Variants in NXPH1 observed in about 807,000 individuals in gnomAD.
The protein encoded by NXPH1 is neurexophilin-1.
A neutral mutation model predicts 23.7 loss-of-function variants in NXPH1; 5 were observed. The ratio of observed to expected loss-of-function variants is 0.21; its 90% CI spans 0.11 to 0.44. NXPH1 has a LOEUF of 0.44. Ranked by LOEUF, NXPH1 falls within the 20% of genes least tolerant of loss-of-function variation. The probability of loss-of-function intolerance (pLI) is 0.99; values close to 1 mark genes in which losing one functional copy is unlikely to be tolerated. For missense variants in NXPH1, 324 were observed against 321.6 expected, an observed-to-expected ratio of 1.01 and a Z score of -0.06; for synonymous variants, 144 against 122.2, an observed-to-expected ratio of 1.18 and a Z score of -1.18.
chr7:8,553,672 T>G (rs2128619931), intron 2 of NXPH1, among the ~76,000 whole-genome samples: 2 of 151,700 alleles, frequency 1.3e-5, no homozygotes, highest in Middle Eastern at 6.8e-3. Flanking sequence ...AATACTGTCT[T>G]TTCCTTACAT....
At chr7:8,584,284 A>G (rs1413702826) in intron 2 of NXPH1, among the ~76,000 whole-genome samples, 3 of 152,146 alleles carry the variant, frequency 2.0e-5, no homozygotes, top group Admixed American at 6.5e-5. Flanking sequence ...AACTTTCTTA[A>G]CTGTGAAGAT....
intron 2 of NXPH1, among the ~76,000 whole-genome samples, chr7:8,573,872 C>T (rs763142819): frequency 2.0e-5 from 3 of 152,110 alleles, no homozygotes; most frequent in Non-Finnish European, 2.9e-5. Flanking sequence ...CCTTATTGAA[C>T]ATAAATTGAT....
intron 2 of NXPH1, among the ~76,000 whole-genome samples, chr7:8,505,882 A>G (rs996762067): frequency 6.6e-6 from 1 of 152,128 alleles, no homozygotes; most frequent in African/African-American, 2.4e-5. Context: ...ATGCAAATTA[A>G]AAGTGTACAT....
At chr7:8,715,671 A>C (rs1583243381) in intron 2 of NXPH1, among the ~76,000 whole-genome samples, 2 of 152,226 alleles carry the variant, frequency 1.3e-5, no homozygotes, top group African/African-American at 4.8e-5. Flanking sequence ...CTTAGGAGCC[A>C]CTAGGGTTGT....
chr7:8,696,834 C>A (rs1444817678), intron 2 of NXPH1, among the ~76,000 whole-genome samples: 3 of 88,194 alleles, frequency 3.4e-5, no homozygotes, highest in Non-Finnish European at 7.2e-5. Context: ...GAGCAAGACT[C>A]CCTCTCAAAA....
chr7:8,725,117 A>G (rs1023222585), intron 2 of NXPH1, among the ~76,000 whole-genome samples: 1 of 152,210 alleles, frequency 6.6e-6, no homozygotes, highest in Non-Finnish European at 1.5e-5. Context: ...AGAATTCTCA[A>G]GGGAATAGTT....
chr7:8,558,318 A>C (rs1818392606), intron 2 of NXPH1, among the ~76,000 whole-genome samples: 1 of 151,628 alleles, frequency 6.6e-6, no homozygotes. Context: ...CCTGTGCATA[A>C]TGGAAGCGAG....
intron 2 of NXPH1, among the ~76,000 whole-genome samples, chr7:8,495,166 G>C (rs1365490522): frequency 6.6e-6 from 1 of 151,826 alleles, no homozygotes; most frequent in Middle Eastern, 3.2e-3. Flanking sequence ...GGCAAGTCTG[G>C]AGTTTGTAGG....
chr7:8,529,221 A>C (rs1173565433), intron 2 of NXPH1, among the ~76,000 whole-genome samples: 2 of 152,252 alleles, frequency 1.3e-5, no homozygotes, highest in African/African-American at 4.8e-5. Flanking sequence ...GTTCACCCAA[A>C]TAATCTACAG....
chr7:8,726,150 A>G (rs1780049014), intron 2 of NXPH1, among the ~76,000 whole-genome samples: 1 of 152,160 alleles, frequency 6.6e-6, no homozygotes, highest in Admixed American at 6.5e-5. Context: ...TTTTTATATA[A>G]AGTTGTATAT....
At chr7:8,521,837 GA>G (rs1454906514) in intron 2 of NXPH1, among the ~76,000 whole-genome samples, 8 of 152,100 alleles carry the variant, frequency 5.3e-5, no homozygotes, top group African/African-American at 1.7e-4. Flanking sequence ...CAGCACATGG[GA>G]AGATAACCAG....
chr7:8,559,611 T>A (rs920294018), intron 2 of NXPH1, among the ~76,000 whole-genome samples: 1 of 151,720 alleles, frequency 6.6e-6, no homozygotes, highest in Non-Finnish European at 1.5e-5. Flanking sequence ...GTACATGAGC[T>A]TTTTTCCTCA....
intron 2 of NXPH1, among the ~76,000 whole-genome samples, chr7:8,634,169 C>A (rs1047853413): frequency 6.6e-6 from 1 of 152,110 alleles, no homozygotes; most frequent in African/African-American, 2.4e-5. Context: ...ATAATCCCCA[C>A]GTATCATGGG....
intron 2 of NXPH1, among the ~76,000 whole-genome samples, chr7:8,709,512 G>C (rs1779754362): frequency 6.6e-6 from 1 of 152,058 alleles, no homozygotes; most frequent in Non-Finnish European, 1.5e-5. Context: ...TCATTATGAA[G>C]ATTTTTGAGG....
intron 2 of NXPH1, among the ~76,000 whole-genome samples, chr7:8,605,912 A>G (rs1583187670): frequency 6.6e-6 from 1 of 152,248 alleles, no homozygotes; most frequent in East Asian, 1.9e-4. Flanking sequence ...GTTGTTATAC[A>G]TCTTTGTTAT....
chr7:8,572,946 T>A (rs533591265), intron 2 of NXPH1, among the ~76,000 whole-genome samples: 1 of 150,874 alleles, frequency 6.6e-6, no homozygotes, highest in South Asian at 2.1e-4. Context: ...CAGTATGTTA[T>A]TTTTTTTCTG....
chr7:8,556,611 A>G (rs1006737542), intron 2 of NXPH1, among the ~76,000 whole-genome samples: 62 of 151,778 alleles, frequency 4.1e-4, no homozygotes, highest in African/African-American at 1.4e-3. Context: ...CTGACACAAC[A>G]TTACATCATC....
chr7:8,615,371 A>G (rs1458954166), intron 2 of NXPH1, among the ~76,000 whole-genome samples: 2 of 152,066 alleles, frequency 1.3e-5, no homozygotes, highest in Non-Finnish European at 2.9e-5. Flanking sequence ...TGAAAAATGT[A>G]ATGATACAAA....
At chr7:8,706,799 G>A (rs1000104061) in intron 2 of NXPH1, among the ~76,000 whole-genome samples, 1 of 152,186 alleles carries the variant, frequency 6.6e-6, no homozygotes, top group African/African-American at 2.4e-5. Context: ...TCCTCTGTGG[G>A]TACCCCATTG....
Sources: gnomAD v4.1 joint callset for allele counts (sites outside exome capture counted in the v4.1 genomes callset) on GRCh38, gnomAD v4.1.1 for gene constraint, MANE v1.5 for transcripts, NCBI Gene and HGNC (gene_info 2026-07-23, HGNC 2026-07-21) for gene names.